The following TMEM117 variants were observed in gnomAD, a reference collection of about 807,000 sequenced individuals.
TMEM117 encodes transmembrane protein 117.
A neutral mutation model predicts 52.4 loss-of-function variants in TMEM117; 27 were observed. The observed-to-expected ratio is 0.51, with a 90% CI of 0.38 to 0.71. The LOEUF is 0.71. Among genes scored for constraint, TMEM117 ranks in the 30% least tolerant of loss-of-function variants. The pLI is 0.00. For synonymous variants in TMEM117, 215 were observed against 206.3 expected (o/e 1.04, Z -0.36); for missense variants, 556 against 630.5 (o/e 0.88, Z 1.26).
intron 1 of TMEM117, among the ~76,000 whole-genome samples, chr12:43,839,165 G>T (rs1036609040): frequency 1.2e-4 from 19 of 152,122 alleles, no homozygotes; most frequent in African/African-American, 4.6e-4. Context: ...CCAAGTTGCT[G>T]CATCTTTGGC....
At chr12:44,122,877 G>A (rs532495144) in intron 3 of TMEM117, among the ~76,000 whole-genome samples, 1 of 152,254 alleles carries the variant, frequency 6.6e-6, no homozygotes, top group Admixed American at 6.5e-5. Flanking sequence ...GAACATATGT[G>A]CAATGTATCC....
At chr12:43,858,923 T>C (rs571585198) in intron 2 of TMEM117, among the ~76,000 whole-genome samples, 12 of 152,244 alleles carry the variant, frequency 7.9e-5, no homozygotes, top group Non-Finnish European at 1.6e-4. Context: ...AATTATCAAA[T>C]ATGATAATTG....
intron 6 of TMEM117, among the ~76,000 whole-genome samples, chr12:44,342,824 T>C (rs954016275): frequency 6.6e-6 from 1 of 152,132 alleles, no homozygotes; most frequent in Non-Finnish European, 1.5e-5. Flanking sequence ...GTTTTTAACA[T>C]TCTTCTTGAT....
rs906557697 is a variant in TMEM117 at position 44,256,959 on chromosome 12, G to C, written c.609-42621G>C. 5.3e-5 allele frequency among the ~76,000 whole-genome samples: 8 copies of C among 150,852 alleles called. No individual in the cohort carries two copies. The South Asian group carries it at 6.3e-4, about 12-fold the overall frequency. On this transcript the variant is annotated intron_variant, in intron 5 of 7. Coordinates refer to ENST00000266534, the MANE Select transcript of TMEM117 (RefSeq NM_032256.3). Reference sequence around the variant, plus strand: ...TATGGTTACTGCCTTCTCTTTTCCTGGTCTGTGACTGGGTCCCTGCTGACC... The same window carrying C: ...TATGGTTACTGCCTTCTCTTTTCCTCGTCTGTGACTGGGTCCCTGCTGACC...
At chr12:44,064,590 T>G (rs2137964554) in intron 3 of TMEM117, among the ~76,000 whole-genome samples, 1 of 152,308 alleles carries the variant, frequency 6.6e-6, no homozygotes, top group East Asian at 1.9e-4. Context: ...ATTAGTATAA[T>G]GACTCGTGAT....
intron 3 of TMEM117, among the ~76,000 whole-genome samples, chr12:43,998,841 A>T (rs1050714243): frequency 5.3e-5 from 8 of 152,210 alleles, no homozygotes; most frequent in African/African-American, 1.7e-4. Flanking sequence ...TCAAATTTAG[A>T]ATCAAACAAA....
chr12:44,170,170 C>A (rs538453263), intron 4 of TMEM117, among the ~76,000 whole-genome samples: 1 of 151,878 alleles, frequency 6.6e-6, no homozygotes, highest in Non-Finnish European at 1.5e-5. Flanking sequence ...TGGAAACCAT[C>A]ATTCTCAGCA....
intron 3 of TMEM117, among the ~76,000 whole-genome samples, chr12:44,036,704 A>G (rs1478001769): frequency 6.6e-6 from 1 of 152,216 alleles, no homozygotes; most frequent in African/African-American, 2.4e-5. Context: ...TTCTTGTAAC[A>G]TGTCCAAATT....
At chr12:44,379,246 CTTGGGAGGCTGAG>C (rs1270603599) in intron 7 of TMEM117, among the ~76,000 whole-genome samples, 1 of 151,978 alleles carries the variant, frequency 6.6e-6, no homozygotes, top group Admixed American at 6.6e-5. Flanking sequence ...GTCCTAGCCA[CTTGGGAGGCTGAG>C]GTGGGAGGAT....
rs772754829 is a variant in TMEM117 at position 43,891,367 on chromosome 12, A to ATTTTTTTTTTTTTTTTTTTTTTTTT, written c.277+46462_277+46463insTTTTTTTTTTTTTTTTTTTTTTTTT. On this transcript the variant is annotated intron_variant, in intron 2 of 7. Transcript: ENST00000266534. ...ATTTCTTTTGGGAAATACCTCTTGA[A>ATTTTTTTTTTTTTTTTTTTTTTTTT]TTTTTTTTTTTTTTTTTTTTTTTGA... 8.7e-5 allele frequency among the ~76,000 whole-genome samples: 5 copies of ATTTTTTTTTTTTTTTTTTTTTTTTT among 57,794 alleles called. 2 individuals are homozygous for ATTTTTTTTTTTTTTTTTTTTTTTTT. In the Admixed American group the frequency reaches 1.3e-3, roughly 15 times the overall value. The allele number at this position is 57,794 out of a possible 152,430, so 37.9% of individuals were successfully genotyped here. A position where few individuals can be genotyped will look rare whatever the true frequency, so the allele number is the denominator to read the frequency against.
chr12:44,126,583 A>G (rs1948328627), intron 3 of TMEM117, among the ~76,000 whole-genome samples: 1 of 152,246 alleles, frequency 6.6e-6, no homozygotes, highest in African/African-American at 2.4e-5. Context: ...TGGTGATTTC[A>G]TATGATATTA....
chr12:43,859,583 A>G (rs10748373), intron 2 of TMEM117, among the ~76,000 whole-genome samples: 110,005 of 152,036 alleles, frequency 0.72, 43,147 homozygotes, highest in East Asian at 0.94. Flanking sequence ...AAACAGTATC[A>G]TAGGAAAATG....
chr12:43,801,014 A>T, the TMEM117 span, among the ~76,000 whole-genome samples: 1 of 152,130 alleles, frequency 6.6e-6, no homozygotes, highest in African/African-American at 2.4e-5. Context: ...GGCTTCCCAA[A>T]GTTTAGGGAT....
At chr12:43,813,231 G>GCTTTTTTTTTTT in the TMEM117 span, among the ~76,000 whole-genome samples, 18 of 62,612 alleles carry the variant, frequency 2.9e-4, no homozygotes, top group African/African-American at 1.0e-3. Context: ...GTTTTCTCTT[G>GCTTTTTTTTTTT]TTTTTTTTTT....
intron 6 of TMEM117, among the ~76,000 whole-genome samples, chr12:44,316,742 A>G (rs528176310): frequency 6.6e-6 from 1 of 152,220 alleles, no homozygotes; most frequent in Non-Finnish European, 1.5e-5. Flanking sequence ...TGTTTGCTTT[A>G]CATAATCCCA....
intron 3 of TMEM117, among the ~76,000 whole-genome samples, chr12:44,081,132 C>T (rs546485196): frequency 2.4e-4 from 37 of 151,960 alleles, no homozygotes; most frequent in African/African-American, 8.9e-4. Context: ...AAATAGGTCC[C>T]CAGTAAGTAT....
upstream of TMEM117, among the ~76,000 whole-genome samples, chr12:43,831,014 G>A (rs1462467600): frequency 6.6e-6 from 1 of 152,162 alleles, no homozygotes; most frequent in Admixed American, 6.5e-5. Context: ...TTCAGGATAT[G>A]GGGCTTAAAA....
intron 3 of TMEM117, among the ~76,000 whole-genome samples, chr12:44,081,870 G>A (rs1207538567): frequency 2.0e-5 from 3 of 151,970 alleles, no homozygotes; most frequent in Admixed American, 6.6e-5. Flanking sequence ...CACATATACA[G>A]TATTAGGTTT....
chr12:44,379,016 G>A (rs1189872132), intron 7 of TMEM117, among the ~76,000 whole-genome samples: 1 of 152,072 alleles, frequency 6.6e-6, no homozygotes, highest in Admixed American at 6.6e-5. Flanking sequence ...GAACGTGGTG[G>A]CTCACACCTA....
Sources: allele counts gnomAD v4.1 joint callset (sites outside exome capture counted in the v4.1 genomes callset), GRCh38; gene constraint gnomAD v4.1.1; transcripts MANE v1.5; gene names NCBI Gene and HGNC (gene_info 2026-07-23, HGNC 2026-07-21).